FAM193A: variants seen among roughly 807,000 people sequenced by gnomAD.
The protein encoded by FAM193A is protein FAM193A.
FAM193A carries 22 observed loss-of-function variants against 126.5 expected under a neutral mutation model. The ratio of observed to expected loss-of-function variants is 0.17; its 90% CI spans 0.12 to 0.25. The LOEUF (loss-of-function observed/expected upper bound fraction) is 0.25, where lower values mean the gene tolerates loss of function less well. Among genes scored for constraint, FAM193A ranks in the 10% least tolerant of loss-of-function variants. The probability of loss-of-function intolerance (pLI) is 1.00; values close to 1 mark genes in which losing one functional copy is unlikely to be tolerated. For synonymous variants in FAM193A, 761 were observed against 646.8 expected, an observed-to-expected ratio of 1.18 and a Z score of -2.68; for missense variants, 1,675 against 1,672.8, an observed-to-expected ratio of 1.00 and a Z score of -0.02.
intron 19 of FAM193A, among the ~76,000 whole-genome samples, chr4:2,708,419 C>T (rs929769702): frequency 6.6e-6 from 1 of 152,056 alleles, no homozygotes; most frequent in Non-Finnish European, 1.5e-5. Flanking sequence ...GCCACCACGC[C>T]CGGCTGTATG....
chr4:2,565,293 C>T (rs552981343), intron 1 of FAM193A, among the ~76,000 whole-genome samples: 11 of 116,264 alleles, frequency 9.5e-5, no homozygotes, highest in African/African-American at 3.4e-4. Context: ...TGCAGTCTCC[C>T]TCTGTCGCCA....
chr4:2,646,905 C>T, intron 7 of FAM193A, 73 bp downstream of exon 7: 2 of 1,475,174 alleles, frequency 1.4e-6, no homozygotes, highest in Non-Finnish European at 9.1e-7. Context: ...CACCAAGTCA[C>T]TAGCTTTGTC....
chr4:2,546,350 T>A (rs980572552), intron 1 of FAM193A, among the ~76,000 whole-genome samples: 1 of 152,126 alleles, frequency 6.6e-6, no homozygotes, highest in Admixed American at 6.6e-5. Context: ...TAGATTCATA[T>A]ATCTACTACC....
At chr4:2,587,538 A>T (rs1187884879) in intron 1 of FAM193A, among the ~76,000 whole-genome samples, 1 of 151,908 alleles carries the variant, frequency 6.6e-6, no homozygotes, top group African/African-American at 2.4e-5. Context: ...CTAAAAATAC[A>T]AAAATTAGTT....
chr4:2,588,871 C>G (rs746282966), intron 1 of FAM193A, among the ~76,000 whole-genome samples: 3 of 152,060 alleles, frequency 2.0e-5, no homozygotes, highest in African/African-American at 7.2e-5. Context: ...TTTTATTTGA[C>G]CTTAGTAGAT....
intron 7 of FAM193A, among the ~76,000 whole-genome samples, chr4:2,651,946 C>G (rs184399647): frequency 6.6e-6 from 1 of 152,084 alleles, no homozygotes; most frequent in African/African-American, 2.4e-5. Context: ...AAGGGTCGTT[C>G]GAAGGCAGAG....
At chr4:2,582,444 A>G (rs1478222169) in intron 1 of FAM193A, among the ~76,000 whole-genome samples, 1 of 151,300 alleles carries the variant, frequency 6.6e-6, no homozygotes, top group Non-Finnish European at 1.5e-5. Context: ...GTCAGTGTTT[A>G]TTTCCTTCCT....
rs752944212 is a variant in FAM193A at position 2,590,466 on chromosome 4, AAAAAAAAAAC to A, written c.256-5578_256-5569del. Among the ~76,000 whole-genome samples the A allele has an allele frequency of 9.7e-3, 877 of 90,584 alleles. 55 individuals are homozygous for A. Among genetic ancestry groups the A allele is most frequent in the East Asian group, 0.027 (96 of 3,622 alleles). 59.4% of individuals were successfully genotyped at this position (90,584 alleles called of 152,430 possible). ...GTGACAGAGCGAGACTCCATCTCAA[AAAAAAAAAAC>A]AAAAAAAAACAAAAAAAAACAAAAA... On this transcript the variant is annotated intron_variant, in intron 1 of 20. Transcript: ENST00000637812.
At chr4:2,680,189 A>G (rs1003458399) in intron 13 of FAM193A, among the ~76,000 whole-genome samples, 4 of 151,980 alleles carry the variant, frequency 2.6e-5, no homozygotes, top group African/African-American at 7.3e-5. Flanking sequence ...TACCAGTTCA[A>G]TCTCCTTACT....
intron 2 of FAM193A, among the ~76,000 whole-genome samples, chr4:2,618,280 G>C (rs995812277): frequency 1.3e-5 from 2 of 152,124 alleles, no homozygotes; most frequent in African/African-American, 4.8e-5. Context: ...CTTACATAGT[G>C]TGAATTTATA....
intron 1 of FAM193A, among the ~76,000 whole-genome samples, chr4:2,545,366 C>T (rs1737482504): frequency 6.6e-6 from 1 of 151,614 alleles, no homozygotes; most frequent in South Asian, 2.1e-4. Flanking sequence ...TGAGATGCAT[C>T]TGTGTTGTTG....
chr4:2,576,331 C>T (rs1000738771), intron 1 of FAM193A, among the ~76,000 whole-genome samples: 1 of 152,094 alleles, frequency 6.6e-6, no homozygotes, highest in Non-Finnish European at 1.5e-5. Context: ...AACTCCTGAC[C>T]TCGTGATCCG....
At chr4:2,694,457 T>C (rs752820340) in intron 16 of FAM193A, among the ~76,000 whole-genome samples, 18 of 151,872 alleles carry the variant, frequency 1.2e-4, no homozygotes, top group Non-Finnish European at 1.9e-4. Flanking sequence ...TTAGTAGAGA[T>C]GGGGTTTCAC....
At chr4:2,729,726 A>G (rs1721167424) in intron 20 of FAM193A, among the ~76,000 whole-genome samples, 1 of 151,954 alleles carries the variant, frequency 6.6e-6, no homozygotes. Context: ...TGCTCCCACC[A>G]CAGCCTCCCG....
rs796903801 is a variant in FAM193A at position 2,710,161 on chromosome 4, G to GTTTTTTTTTTTTTTTTTTTTT, written c.4373-5847_4373-5846insTTTTTTTTTTTTTTTTTTTTT. Among the ~76,000 whole-genome samples, 44 of 91,816 alleles carry GTTTTTTTTTTTTTTTTTTTTT rather than the reference G, an allele frequency of 4.8e-4. 2 individuals are homozygous for GTTTTTTTTTTTTTTTTTTTTT. Among genetic ancestry groups the GTTTTTTTTTTTTTTTTTTTTT allele is most frequent in the Middle Eastern group, 7.2e-3 (1 of 138 alleles). 60.2% of individuals were successfully genotyped at this position (91,816 alleles called of 152,430 possible). A position where few individuals can be genotyped will look rare whatever the true frequency, so the allele number is the denominator to read the frequency against. On this transcript the variant is annotated intron_variant, in intron 19 of 20. Transcript: ENST00000637812. ...TATTTAGGTTTACTGTTCTTCTTTT[G>GTTTTTTTTTTTTTTTTTTTTT]TTTTTTTTTTTTTTTCTTTTTTTTT...
intron 1 of FAM193A, among the ~76,000 whole-genome samples, chr4:2,566,669 C>T (rs1247936031): frequency 1.3e-5 from 2 of 151,912 alleles, no homozygotes; most frequent in Non-Finnish European, 2.9e-5. Flanking sequence ...GCCTGGGGGA[C>T]AGAGTGAGAC....
chr4:2,538,456 G>C (rs1737023468), intron 1 of FAM193A, among the ~76,000 whole-genome samples: 1 of 152,136 alleles, frequency 6.6e-6, no homozygotes, highest in African/African-American at 2.4e-5. Flanking sequence ...GCGTCCCAAA[G>C]TGCTGGGATT....
chr4:2,562,318 GGTGC>G (rs932295672), intron 1 of FAM193A, among the ~76,000 whole-genome samples: 22 of 152,182 alleles, frequency 1.4e-4, no homozygotes, highest in Non-Finnish European at 1.8e-4. Flanking sequence ...TGGCTGCGGT[GGTGC>G]GTGCCTGTAG....
chr4:2,678,271 A>C (rs1234981403), intron 13 of FAM193A, among the ~76,000 whole-genome samples: 3 of 151,212 alleles, frequency 2.0e-5, no homozygotes, highest in African/African-American at 7.3e-5. Context: ...GGCGTGAGCC[A>C]CCGCGCCTGG....
Sources: gnomAD v4.1 joint callset for allele counts (sites outside exome capture counted in the v4.1 genomes callset) on GRCh38, gnomAD v4.1.1 for gene constraint, MANE v1.5 for transcripts, NCBI Gene and HGNC (gene_info 2026-07-23, HGNC 2026-07-21) for gene names.